The following ADAM18 variants were observed in gnomAD, a reference collection of about 807,000 sequenced individuals.
ADAM18 encodes disintegrin and metalloproteinase domain-containing protein 18.
Under a neutral mutation model 94.4 loss-of-function variants are expected in ADAM18, and 117 were observed. That is an observed-to-expected ratio of 1.24 (90% CI 1.07 to 1.45). The LOEUF (loss-of-function observed/expected upper bound fraction) is 1.45, where lower values mean the gene tolerates loss of function less well. ADAM18 is among the 40% of genes most tolerant of loss of function. The pLI is 0.00. For missense variants in ADAM18, 936 were observed against 880.0 expected (o/e 1.06, Z -0.81); for synonymous variants, 327 against 291.6 (o/e 1.12, Z -1.24).
chr8:39,678,724 C>A (rs1310145690), intron 15 of ADAM18, among the ~76,000 whole-genome samples: 1 of 152,000 alleles, frequency 6.6e-6, no homozygotes, highest in Non-Finnish European at 1.5e-5. Context: ...ATAAAAGAAA[C>A]CTGGAAGAAA....
At position 39,645,487 on chromosome 8, in the gene ADAM18, C is replaced by T. The variant is rs887922505; in HGVS notation, c.1046+13C>T. On this transcript the variant is annotated intron_variant, in intron 11 of 19. Coordinates refer to ENST00000265707, the MANE Select transcript of ADAM18 (RefSeq NM_014237.3). ...ATCATGAAGCAGTGTAAGATGTTTT[C>T]TTAATTAATTTCATTTATATTTTTA... The T allele has an allele frequency of 5.0e-6, 8 of 1,590,528 alleles. No individual in the cohort carries two copies. The African/African-American group carries it at 8.2e-5, about 16-fold the overall frequency.
intron 17 of ADAM18, among the ~76,000 whole-genome samples, chr8:39,698,289 G>A (rs970713235): frequency 2.0e-5 from 3 of 151,496 alleles, no homozygotes; most frequent in African/African-American, 7.3e-5. Flanking sequence ...GATTTCAATT[G>A]TGTGGGGAAA....
intron 2 of ADAM18, among the ~76,000 whole-genome samples, chr8:39,605,430 C>T (rs1390456011): frequency 6.6e-6 from 1 of 152,162 alleles, no homozygotes; most frequent in Admixed American, 6.5e-5. Flanking sequence ...AGCTTCTTGT[C>T]TGCTTTCAGT....
At chr8:39,718,030 A>G (rs1822627766) in intron 18 of ADAM18, among the ~76,000 whole-genome samples, 2 of 151,628 alleles carry the variant, frequency 1.3e-5, no homozygotes, top group Non-Finnish European at 3.0e-5. Flanking sequence ...AACCATGATG[A>G]GATATCACCT....
At chr8:39,666,475 A>G (rs1820995491) in intron 13 of ADAM18, among the ~76,000 whole-genome samples, 1 of 152,156 alleles carries the variant, frequency 6.6e-6, no homozygotes, top group South Asian at 2.1e-4. Context: ...TCTTTTATTT[A>G]TTATGCATCT....
chr8:39,621,250 A>G (rs896125425), intron 6 of ADAM18, among the ~76,000 whole-genome samples: 2 of 151,928 alleles, frequency 1.3e-5, no homozygotes, highest in East Asian at 3.9e-4. Context: ...AGATACTATT[A>G]CATACTTAAT....
chr8:39,585,221 G>A, intron 1 of ADAM18, 55 bp from the exon 2 acceptor site: 1 of 1,444,146 alleles, frequency 6.9e-7, no homozygotes, highest in Non-Finnish European at 9.7e-7. Context: ...GTGCTTGACT[G>A]AGACGATTGT....
intron 9 of ADAM18, 52 bp from the exon 10 acceptor site, chr8:39,638,413 G>A (rs1296240616): frequency 2.4e-6 from 3 of 1,251,970 alleles, no homozygotes; most frequent in East Asian, 5.1e-5. Context: ...TAATACATAA[G>A]CTTACAAATT....
intron 5 of ADAM18, 145 bp from the exon 6 acceptor site, chr8:39,610,384 C>A (rs1430589696): frequency 9.0e-6 from 10 of 1,116,352 alleles, no homozygotes; most frequent in South Asian, 2.7e-5. Flanking sequence ...ACTGCCCCCC[C>A]AAAAAATAAT....
chr8:39,669,499 G>A (rs1821093864), intron 14 of ADAM18, among the ~76,000 whole-genome samples: 1 of 118,268 alleles, frequency 8.5e-6, no homozygotes, highest in Admixed American at 1.2e-4. Context: ...AGTGTGTGAT[G>A]TTCCCCTTCC....
chr8:39,728,318 A>G (rs1265405308), intron 19 of ADAM18, among the ~76,000 whole-genome samples: 1 of 152,190 alleles, frequency 6.6e-6, no homozygotes, highest in Non-Finnish European at 1.5e-5. Flanking sequence ...AAATTAAGAA[A>G]TTTAAATAAT....
intron 17 of ADAM18, among the ~76,000 whole-genome samples, chr8:39,698,636 C>A (rs577990876): frequency 3.9e-4 from 59 of 152,078 alleles, no homozygotes; most frequent in South Asian, 1.0e-3. Context: ...CTTTCTATTT[C>A]CTTACAAACC....
chr8:39,723,764 A>G lies in ADAM18; in HGVS notation c.2034A>G (p.Glu678=), dbSNP rs941823734. The G allele has an allele frequency of 1.3e-6, 2 of 1,523,432 alleles. No individual in the cohort carries two copies. Among genetic ancestry groups the G allele is most frequent in the Non-Finnish European group, 1.8e-6 (2 of 1,140,540 alleles). 94.4% of individuals were successfully genotyped at this position (1,523,432 alleles called of 1,614,324 possible). Residue 678 remains glutamate, a synonymous_variant, in exon 19 of 20, where the codon GAA becomes GAG. Transcript: ENST00000265707. ...CATTTCTAGGTGACTTTTATACTGA[A>G]AAAGGCTACAATACACACTGGAACA... The part of the protein sequence containing the change: ...NFQKSGDFYT[E]KGYNTHWNNW...
At chr8:39,588,245 T>A (rs1431990530) in intron 2 of ADAM18, among the ~76,000 whole-genome samples, 2 of 151,706 alleles carry the variant, frequency 1.3e-5, no homozygotes, top group Admixed American at 1.3e-4. Flanking sequence ...TTTTTTTTTT[T>A]AACAAAACCC....
chr8:39,708,555 T>C (rs527612487), intron 18 of ADAM18, among the ~76,000 whole-genome samples: 2 of 152,304 alleles, frequency 1.3e-5, no homozygotes, highest in South Asian at 4.1e-4. Context: ...TGGCATAACA[T>C]TTATGCTTTA....
At chr8:39,692,947 A>G (rs1821821951) in intron 17 of ADAM18, among the ~76,000 whole-genome samples, 1 of 151,688 alleles carries the variant, frequency 6.6e-6, no homozygotes, top group Non-Finnish European at 1.5e-5. Context: ...TTTTACTTAT[A>G]TCATGAACAT....
In ADAM18 at chr8:39,659,827, T is replaced by G. The variant is rs1277963710; in HGVS notation, c.1231-3968T>G. Among the ~76,000 whole-genome samples, 3 of 152,236 alleles carry G rather than the reference T, an allele frequency of 2.0e-5. No homozygotes were observed. The East Asian group carries it at 5.8e-4, about 29-fold the overall frequency. ...AAATCAGTCATGCATTAGATCATGC[T>G]GAAAATAATTATAGATACCAAAAAA... On this transcript the variant is annotated intron_variant, in intron 12 of 19. Coordinates refer to ENST00000265707, the MANE Select transcript of ADAM18 (RefSeq NM_014237.3).
intron 15 of ADAM18, among the ~76,000 whole-genome samples, chr8:39,679,366 G>C (rs187227870): frequency 7.6e-4 from 116 of 152,232 alleles, no homozygotes; most frequent in African/African-American, 2.7e-3. Context: ...ATCTTTCAGA[G>C]CATAGTCTAG....
chr8:39,664,978 T>C (rs1199581814), intron 13 of ADAM18, among the ~76,000 whole-genome samples: 3 of 152,128 alleles, frequency 2.0e-5, no homozygotes, highest in African/African-American at 7.2e-5. Flanking sequence ...AAAATTCTGT[T>C]AGTGAATATT....
Sources: gnomAD v4.1 joint callset for allele counts (sites outside exome capture counted in the v4.1 genomes callset) on GRCh38, gnomAD v4.1.1 for gene constraint, MANE v1.5 for transcripts, NCBI Gene and HGNC (gene_info 2026-07-23, HGNC 2026-07-21) for gene names.